Variants in HIF3A observed in about 807,000 individuals in gnomAD.
The protein encoded by HIF3A is hypoxia-inducible factor 3-alpha.
In HIF3A, 41 loss-of-function variants were observed where a neutral mutation model predicts 67.2. The observed-to-expected ratio is 0.61, with a 90% CI of 0.48 to 0.79. HIF3A has a LOEUF of 0.79. Ranked by LOEUF, HIF3A falls within the 30% of genes least tolerant of loss-of-function variation. HIF3A has a pLI of 0.00. For synonymous variants in HIF3A, 356 were observed against 374.8 expected (o/e 0.95, Z 0.58); for missense variants, 855 against 898.0 (o/e 0.95, Z 0.61).
At position 46,339,605 on chromosome 19, in the gene HIF3A, T is replaced by C. The variant is rs532918264; in HGVS notation, c.1993T>C (p.Ser665Pro). The C allele has an allele frequency of 4.4e-6, 7 of 1,606,816 alleles. No individual in the cohort carries two copies. The highest frequency in any genetic ancestry group is 5.1e-6 in the Non-Finnish European group (6 of 1,175,842). Residue 665 changes from serine to proline, a missense_variant, in exon 15 of 15, where the codon TCA (serine) becomes CCA (proline). By Grantham distance (74) the Ser-to-Pro change is moderately conservative. Around this residue, in one of 3 missense-constraint regions of HIF3A, gnomAD observed 199 missense variants for 193.8 expected, o/e 1.03. Transcript: ENST00000377670. Reference sequence around the variant, plus strand: ...GGGCCCCTTCCAGCCAAGGGCAGGCTCAGCCCAGGCTGACTGAGCCGGCTC... The same window carrying C: ...GGGCCCCTTCCAGCCAAGGGCAGGCCCAGCCCAGGCTGACTGAGCCGGCTC... ...PGGPFQPRAG[S>P]AQAD is the part of the protein sequence containing the mutation.
chr19:46,321,147 A>G (rs1037458296), intron 9 of HIF3A, among the ~76,000 whole-genome samples: 1 of 151,802 alleles, frequency 6.6e-6, no homozygotes, highest in Non-Finnish European at 1.5e-5. Flanking sequence ...ACCTCTGGGG[A>G]CCTTACAGCC....
intron 3 of HIF3A, among the ~76,000 whole-genome samples, chr19:46,306,775 T>G (rs1372964864): frequency 6.6e-6 from 1 of 152,136 alleles, no homozygotes; most frequent in East Asian, 1.9e-4. Context: ...GTCCCGAGGT[T>G]CCAAAGCTAG....
chr19:46,335,139 TG>T (rs1010891345), intron 14 of HIF3A, among the ~76,000 whole-genome samples, 153 bp downstream of exon 14: 2 of 152,088 alleles, frequency 1.3e-5, no homozygotes, highest in African/African-American at 4.8e-5. Flanking sequence ...TCTCTTCTCA[TG>T]GGCACTGTGG....
In HIF3A at chr19:46,330,699, A is replaced by G. The variant is rs556935452; in HGVS notation, c.1713-457A>G. Reference sequence around the variant, plus strand: ...GGCAGATGGATGGATGGATGAATCAATGGATTAATGGATGGATGGATGGTG... The same window carrying G: ...GGCAGATGGATGGATGGATGAATCAGTGGATTAATGGATGGATGGATGGTG... On this transcript the variant is annotated intron_variant, in intron 12 of 14. Transcript: ENST00000377670. Among the ~76,000 whole-genome samples the G allele has an allele frequency of 5.4e-5, 8 of 149,114 alleles. No homozygotes were observed. The South Asian group carries it at 1.5e-3, about 28-fold the overall frequency.
At chr19:46,319,977 C>G (rs1970230817) in intron 8 of HIF3A, among the ~76,000 whole-genome samples, 1 of 152,202 alleles carries the variant, frequency 6.6e-6, no homozygotes, top group Non-Finnish European at 1.5e-5. Flanking sequence ...CGCCTGTAAT[C>G]ATAGCACTTT....
chr19:46,340,913 A>C lies in HIF3A; in HGVS notation c.*1291A>C, dbSNP rs1170824628. The C allele has an allele frequency of 6.6e-6, 1 of 152,152 alleles. No homozygotes were observed. Among genetic ancestry groups the C allele is most frequent in the Non-Finnish European group, 1.5e-5 (1 of 68,068 alleles). 9.4% of individuals were successfully genotyped at this position (152,152 alleles called of 1,614,324 possible). ...CCTGTTTTCAAACCTTACGATCCCC[A>C]AAAATTGTCTGGTTCTGGGCCTCTA... On this transcript the variant is annotated 3_prime_UTR_variant, in exon 15 of 15. Coordinates refer to ENST00000377670, the MANE Select transcript of HIF3A (RefSeq NM_152795.4).
intron 12 of HIF3A, 47 bp from the exon 13 acceptor site, chr19:46,331,109 T>C: frequency 6.8e-7 from 1 of 1,481,026 alleles, no homozygotes; most frequent in Non-Finnish European, 9.3e-7. Context: ...TTATCCACAC[T>C]TGCCCAGGTT....
In HIF3A at chr19:46,333,465, C is replaced by G. The variant is rs555982891; in HGVS notation, c.1831-1440C>G. On this transcript the variant is annotated intron_variant, in intron 13 of 14. Coordinates refer to ENST00000377670, the MANE Select transcript of HIF3A (RefSeq NM_152795.4). Reference sequence around the variant, plus strand: ...GAAACCTTCCATGGAGGGACACCGCCAACTCACAGAGAAGAATAAATACCC... The same window carrying G: ...GAAACCTTCCATGGAGGGACACCGCGAACTCACAGAGAAGAATAAATACCC... Among the ~76,000 whole-genome samples, 8 of 152,178 alleles carry G rather than the reference C, an allele frequency of 5.3e-5. No individual in the cohort carries two copies. In the East Asian group the frequency reaches 9.7e-4, roughly 18 times the overall value.
At position 46,309,242 on chromosome 19, in the gene HIF3A, G is replaced by A. The variant is rs1362954379; in HGVS notation, c.653G>A (p.Cys218Tyr). 1.9e-6 allele frequency: 3 copies of A among 1,613,986 alleles called. No individual in the cohort carries two copies. Among genetic ancestry groups the A allele is most frequent in the Admixed American group, 3.3e-5 (2 of 60,008 alleles). The change falls in exon 6 of 15, where the codon TGC (cysteine) becomes TAC (tyrosine). Residue 218 changes from cysteine (C) to tyrosine (Y), a missense_variant. By Grantham distance (194) the Cys-to-Tyr change is radical (BLOSUM62 -2). Transcript: ENST00000377670. ...GSPDSEPPLQ[C>Y]LVLICEAIPH... ...CCTGACTCAGAGCCCCCGCTGCAGT[G>A]CCTGGTGCTCATCTGCGAAGCCATC...
chr19:46,320,880 C>A (rs959953176), intron 9 of HIF3A, among the ~76,000 whole-genome samples: 8 of 152,338 alleles, frequency 5.3e-5, no homozygotes, highest in Admixed American at 5.2e-4. Flanking sequence ...ACATTGCCCC[C>A]ACGCTTCTGC....
Position 46,314,392 on chromosome 19 carries a change from A to C in HIF3A, c.1025+1739A>C, listed in dbSNP as rs555313986. Among the ~76,000 whole-genome samples, 3 of 146,148 alleles carry C rather than the reference A, an allele frequency of 2.1e-5. No homozygotes were observed. In the East Asian group the frequency reaches 6.8e-4, roughly 33 times the overall value. On this transcript the variant is annotated intron_variant, in intron 8 of 14. Coordinates refer to ENST00000377670, the MANE Select transcript of HIF3A (RefSeq NM_152795.4). ...ACCTGAAAACAAACCAAAAAAAAAA[A>C]ACAAACACAAAAATATATATGGTTT...
chr19:46,328,729 T>G (rs1457968222), intron 11 of HIF3A, among the ~76,000 whole-genome samples: 1 of 97,212 alleles, frequency 1.0e-5, no homozygotes, highest in African/African-American at 7.4e-5. Context: ...TTTAGGTTTG[T>G]TTTTTTTTTT....
rs976491837 is a variant in HIF3A at position 46,343,341 on chromosome 19, C to G, written c.*3719C>G. 3.9e-5 allele frequency: 6 copies of G among 152,760 alleles called. No individual in the cohort carries two copies. The highest frequency in any genetic ancestry group is 2.1e-4 in the South Asian group (1 of 4,834). 9.5% of individuals were successfully genotyped at this position (152,760 alleles called of 1,614,324 possible). On this transcript the variant is annotated 3_prime_UTR_variant, in exon 15 of 15. Coordinates refer to ENST00000377670, the MANE Select transcript of HIF3A (RefSeq NM_152795.4). The stretch of plus-strand genomic sequence containing the variant: ...CCTCAATGGAGGGAATTGTGCTGGG[C>G]TAGGGAAAGGGGAGGGACTAGACTG...
chr19:46,330,842 A>AGATGGATGGATG (rs531051205), intron 12 of HIF3A, among the ~76,000 whole-genome samples: 27 of 145,684 alleles, frequency 1.9e-4, no homozygotes, highest in Non-Finnish European at 6.0e-5. Flanking sequence ...GATGGATGGC[A>AGATGGATGGATG]GATGGATGGA....
chr19:46,301,343 AC>A (rs1217479498), intron 1 of HIF3A, among the ~76,000 whole-genome samples: 1 of 152,016 alleles, frequency 6.6e-6, no homozygotes, highest in African/African-American at 2.4e-5. Context: ...TTAAGAAGGG[AC>A]AGTGTCCCCT....
chr19:46,299,592 G>C lies in HIF3A; in HGVS notation c.26+2490G>C, dbSNP rs1042048412. On this transcript the variant is annotated intron_variant, in intron 1 of 14. Coordinates refer to ENST00000377670, the MANE Select transcript of HIF3A (RefSeq NM_152795.4). The stretch of plus-strand genomic sequence containing the variant: ...CCAGGCATGGTGGTGAGTGTCTGTA[G>C]TCCCAGCTACTCAGGAGGCTGAGGT... Among the ~76,000 whole-genome samples the C allele has an allele frequency of 1.3e-4, 19 of 151,760 alleles. No individual in the cohort carries two copies. In the Middle Eastern group the frequency reaches 0.01, roughly 82 times the overall value.
At chr19:46,338,839 A>G (rs1033310653) in intron 14 of HIF3A, among the ~76,000 whole-genome samples, 1 of 152,154 alleles carries the variant, frequency 6.6e-6, no homozygotes, top group African/African-American at 2.4e-5. Flanking sequence ...TGAACACCCC[A>G]GAGAGGTTCA....
At chr19:46,337,385 G>C (rs1462537652) in intron 14 of HIF3A, among the ~76,000 whole-genome samples, 1 of 151,900 alleles carries the variant, frequency 6.6e-6, no homozygotes, top group African/African-American at 2.4e-5. Flanking sequence ...CAAGTAGCTG[G>C]GACTACACTT....
rs1399383659 is a variant in HIF3A at position 46,339,904 on chromosome 19, C to T, written c.*282C>T. The T allele has an allele frequency of 8.5e-6, 3 of 353,356 alleles. No individual in the cohort carries two copies. Among genetic ancestry groups the T allele is most frequent in the South Asian group, 1.4e-4 (1 of 7,386 alleles). 21.9% of individuals were successfully genotyped at this position (353,356 alleles called of 1,614,324 possible). A position where few individuals can be genotyped will look rare whatever the true frequency, so the allele number is the denominator to read the frequency against. ...CTTGGGGTTCTCAATACTTGGTTAC[C>T]TCATTATCCCTTTCTCTGCCTCTCT... On this transcript the variant is annotated 3_prime_UTR_variant, in exon 15 of 15. Coordinates refer to ENST00000377670, the MANE Select transcript of HIF3A (RefSeq NM_152795.4).
Sources: allele counts gnomAD v4.1 joint callset (sites outside exome capture counted in the v4.1 genomes callset), GRCh38; gene constraint gnomAD v4.1.1; regional missense constraint gnomAD v4.1.1; transcripts MANE v1.5; gene names NCBI Gene and HGNC (gene_info 2026-07-23, HGNC 2026-07-21).